The following FGD5 variants were observed in gnomAD, a reference collection of about 807,000 sequenced individuals.
FGD5 encodes the protein FYVE, RhoGEF and PH domain containing 5.
Under a neutral mutation model 133.4 loss-of-function variants are expected in FGD5, and 28 were observed. That is an observed-to-expected ratio of 0.21 (90% CI 0.16 to 0.29). FGD5 has a LOEUF of 0.29. FGD5 is among the 10% of genes least tolerant of loss of function. The pLI, the probability that FGD5 is intolerant of heterozygous loss-of-function variation, is 1.00. For synonymous variants in FGD5, 810 were observed against 776.5 expected, an observed-to-expected ratio of 1.04 and a Z score of -0.72; for missense variants, 1,858 against 1,895.2, an observed-to-expected ratio of 0.98 and a Z score of 0.36.
intron 1 of FGD5, among the ~76,000 whole-genome samples, chr3:14,858,355 G>GTGGGTGAA (rs57012067): frequency 2.3e-5 from 3 of 130,888 alleles, no homozygotes; most frequent in African/African-American, 8.8e-5. Context: ...GGGTGGGTGG[G>GTGGGTGAA]TGGATGGATG....
intron 1 of FGD5, among the ~76,000 whole-genome samples, chr3:14,827,864 C>G (rs2036632183): frequency 1.3e-5 from 2 of 152,142 alleles, no homozygotes; most frequent in South Asian, 4.1e-4. Context: ...ATTCTACCCG[C>G]CCGGGGCAGC....
intron 9 of FGD5, among the ~76,000 whole-genome samples, chr3:14,905,991 A>G (rs1378602685): frequency 6.6e-6 from 1 of 152,002 alleles, no homozygotes; most frequent in Non-Finnish European, 1.5e-5. Flanking sequence ...TCCAGTCGGC[A>G]CCTGATCTGG....
chr3:14,831,541 C>T (rs1014407031), intron 1 of FGD5, among the ~76,000 whole-genome samples: 4 of 152,076 alleles, frequency 2.6e-5, no homozygotes, highest in African/African-American at 9.7e-5. Flanking sequence ...CGCTGAGGTC[C>T]CCCATCTGAG....
Position 14,917,156 on chromosome 3 carries a change from T to C in FGD5, c.3406-93T>C. On this transcript the variant is annotated intron_variant, in intron 11 of 19. Coordinates refer to ENST00000285046, the MANE Select transcript of FGD5 (RefSeq NM_152536.4). The surrounding 1 kb of genome is among the most constrained non-coding windows in gnomAD (Gnocchi z 4.1). ...GGGTTACTGAGGAATACAAGATGCC[T>C]GTGCACAGCGGAGCTCAGGGATCCT... is the stretch of plus-strand genomic sequence containing the variant. 3.5e-6 allele frequency: 4 copies of C among 1,150,896 alleles called. No homozygotes were observed. The South Asian group carries it at 5.9e-5, about 17-fold the overall frequency. 71.3% of individuals were successfully genotyped at this position (1,150,896 alleles called of 1,614,324 possible).
chr3:14,829,752 G>A (rs1016620456), intron 1 of FGD5, among the ~76,000 whole-genome samples: 8 of 152,174 alleles, frequency 5.3e-5, no homozygotes, highest in Non-Finnish European at 1.0e-4. Context: ...ACCGAGAATA[G>A]CGACTGCCAT....
intron 18 of FGD5, among the ~76,000 whole-genome samples, chr3:14,928,239 A>AG (rs2038846792): frequency 2.5e-5 from 3 of 118,502 alleles, no homozygotes; most frequent in Admixed American, 9.7e-5. Context: ...ACACCTGGCC[A>AG]ATTTTTTTAT....
In FGD5 at chr3:14,922,696, T is replaced by A; in HGVS notation, c.3807+148T>A. 1.8e-6 allele frequency: 2 copies of A among 1,141,170 alleles called. No homozygotes were observed. Among genetic ancestry groups the A allele is most frequent in the South Asian group, 3.1e-5 (2 of 64,788 alleles). 70.7% of individuals were successfully genotyped at this position (1,141,170 alleles called of 1,614,324 possible). A position where few individuals can be genotyped will look rare whatever the true frequency, so the allele number is the denominator to read the frequency against. On this transcript the variant is annotated intron_variant, in intron 15 of 19. Transcript: ENST00000285046. The surrounding 1 kb of genome is among the most constrained non-coding windows in gnomAD (Gnocchi z 4.1). The stretch of plus-strand genomic sequence containing the variant: ...TCACACCAACCCGAGAGGAACAGAT[T>A]GCTAATTCCCATTTTATAGATCATC...
chr3:14,839,624 G>T (rs771666987), intron 1 of FGD5, among the ~76,000 whole-genome samples: 20 of 152,144 alleles, frequency 1.3e-4, no homozygotes, highest in Non-Finnish European at 2.5e-4. Context: ...AGTCCATTTT[G>T]GTTCAAAACC....
intron 2 of FGD5, among the ~76,000 whole-genome samples, chr3:14,870,489 C>T (rs1002915553): frequency 6.6e-6 from 1 of 152,206 alleles, no homozygotes; most frequent in Non-Finnish European, 1.5e-5. Flanking sequence ...CCCTGGTGGC[C>T]TCACCTCCTT....
chr3:14,867,518 G>C (rs2037518567), intron 2 of FGD5, among the ~76,000 whole-genome samples: 1 of 152,094 alleles, frequency 6.6e-6, no homozygotes, highest in Admixed American at 6.5e-5. Flanking sequence ...ATGGACCAGA[G>C]AGCAGGCATA....
At chr3:14,904,010 TG>T (rs2125137593) in intron 9 of FGD5, among the ~76,000 whole-genome samples, 1 of 152,352 alleles carries the variant, frequency 6.6e-6, no homozygotes, top group East Asian at 1.9e-4. Flanking sequence ...ATGATTAGAC[TG>T]GGTATATGGC....
chr3:14,894,541 G>T, intron 4 of FGD5, among the ~76,000 whole-genome samples: 1 of 148,224 alleles, frequency 6.7e-6, no homozygotes. Flanking sequence ...TTTGAGACAG[G>T]GTCTCATTCT....
intron 2 of FGD5, among the ~76,000 whole-genome samples, chr3:14,865,024 G>A (rs11714954): frequency 0.093 from 14,113 of 152,124 alleles, 816 homozygotes; most frequent in East Asian, 0.3. Flanking sequence ...ATCCCAGGAA[G>A]CATCACGGGG....
At chr3:14,849,760 A>C (rs536823842) in intron 1 of FGD5, among the ~76,000 whole-genome samples, 2 of 152,072 alleles carry the variant, frequency 1.3e-5, no homozygotes, top group African/African-American at 2.4e-5. Flanking sequence ...GCCTCTGTGC[A>C]CCTGTTTCTC....
intron 13 of FGD5, among the ~76,000 whole-genome samples, chr3:14,920,805 G>A (rs755251017): frequency 3.9e-5 from 6 of 152,220 alleles, no homozygotes; most frequent in Non-Finnish European, 8.8e-5. Context: ...TGGAACTGGA[G>A]TTTGAACCCA....
upstream of FGD5, among the ~76,000 whole-genome samples, chr3:14,817,582 TG>T (rs2036391693): frequency 6.6e-6 from 1 of 152,234 alleles, no homozygotes. Context: ...GGGACAGCCC[TG>T]GATTAGAGAT....
At chr3:14,880,848 G>A (rs1338278476) in intron 4 of FGD5, 76 bp downstream of exon 4, 2 of 1,557,810 alleles carry the variant, frequency 1.3e-6, no homozygotes, top group Non-Finnish European at 1.7e-6. Context: ...GGAAAGCAAT[G>A]TGGAGACAGA....
At chr3:14,873,815 G>A (rs1051560036) in intron 2 of FGD5, among the ~76,000 whole-genome samples, 1 of 151,052 alleles carries the variant, frequency 6.6e-6, no homozygotes, top group Non-Finnish European at 1.5e-5. Context: ...TCCGCCTCCC[G>A]GGTTCAAGAT....
chr3:14,844,271 T>TAAATATATATAA (rs1412010322), intron 1 of FGD5, among the ~76,000 whole-genome samples: 2 of 93,862 alleles, frequency 2.1e-5, no homozygotes, highest in Non-Finnish European at 4.2e-5. Flanking sequence ...TATATATATA[T>TAAATATATATAA]AATGCAGGTT....
Sources: allele counts gnomAD v4.1 joint callset (sites outside exome capture counted in the v4.1 genomes callset), GRCh38; gene constraint gnomAD v4.1.1; non-coding constraint Gnocchi (gnomAD v3.1); transcripts MANE v1.5; gene names NCBI Gene and HGNC (gene_info 2026-07-23, HGNC 2026-07-21).